The following EHMT1 variants were observed in gnomAD, a reference collection of about 807,000 sequenced individuals.
EHMT1 encodes the protein histone-lysine N-methyltransferase EHMT1.
In EHMT1, 15 loss-of-function variants were observed where a neutral mutation model predicts 147.2. The ratio of observed to expected loss-of-function variants is 0.10; its 90% confidence interval spans 0.07 to 0.16. The LOEUF is 0.16. Among genes scored for constraint, EHMT1 ranks in the 10% least tolerant of loss-of-function variants. The pLI is 1.00. For synonymous variants in EHMT1, 795 were observed against 709.6 expected (o/e 1.12, Z -1.91); for missense variants, 1,587 against 1,772.4 (o/e 0.90, Z 1.88).
At chr9:137,816,356 C>T in intron 23 of EHMT1, 2 of 458,510 alleles carry the variant, frequency 4.4e-6, no homozygotes, top group Admixed American at 3.4e-5. Context: ...ACCTTTGTTA[C>T]CGAGTTCATG....
chr9:137,780,895 T>TGTGTGGTGATGACGCC (rs1951403760), intron 14 of EHMT1, among the ~76,000 whole-genome samples: 2 of 70,628 alleles, frequency 2.8e-5, no homozygotes, highest in African/African-American at 1.1e-4. Flanking sequence ...GTGATGACGC[T>TGTGTGGTGATGACGCC]GGGATGTGTG....
chr9:137,678,853 C>G lies in EHMT1; in HGVS notation c.22-32114C>G, dbSNP rs1207532492. 2.0e-5 allele frequency among the ~76,000 whole-genome samples: 3 copies of G among 152,108 alleles called. No homozygotes were observed. In the East Asian group the frequency reaches 5.8e-4, roughly 29 times the overall value. On this transcript the variant is annotated intron_variant, in intron 1 of 26. Transcript: ENST00000460843. ...GATGGACACAGGGACAGAGAAAGGA[C>G]TCACATCCAGGGCAGGACTGATGGT...
intron 1 of EHMT1, chr9:137,638,213 C>T (rs1844221699): frequency 1.3e-5 from 2 of 151,932 alleles, no homozygotes; most frequent in Admixed American, 6.6e-5. Context: ...TGGGTTCAAG[C>T]AATTCTCCTG....
Position 137,775,278 on chromosome 9 carries a change from G to C in EHMT1, c.1791+26G>C. 6.2e-7 allele frequency: 1 copy of C among 1,605,758 alleles called. No homozygotes were observed. The highest frequency in any genetic ancestry group is 8.5e-7 in the Non-Finnish European group (1 of 1,179,604). On this transcript the variant is annotated intron_variant, in intron 11 of 26. Coordinates refer to ENST00000460843, the MANE Select transcript of EHMT1 (RefSeq NM_024757.5). This position sits in a 1 kb window ranked among gnomAD's most constrained non-coding sequence, Gnocchi z 6.1. ...GTAAGAGCCCAGTCCGGCAGCCTCT[G>C]AGTCCTCCGCAGGCTTTGCTGTCTG...
At chr9:137,777,855 A>G (rs774139610) in intron 12 of EHMT1, 27 bp from the exon 13 acceptor site, 1 of 1,611,010 alleles carries the variant, frequency 6.2e-7, no homozygotes, top group East Asian at 2.2e-5. Context: ...GTTTTCATAA[A>G]CCTTTCCCCG....
chr9:137,621,836 G>A (rs1051561783), intron 1 of EHMT1, among the ~76,000 whole-genome samples: 1 of 151,490 alleles, frequency 6.6e-6, no homozygotes, highest in Non-Finnish European at 1.5e-5. Flanking sequence ...ACTATGTATC[G>A]CTTCTTTATT....
intron 1 of EHMT1, chr9:137,674,854 T>C (rs1171165197): frequency 6.6e-6 from 1 of 152,154 alleles, no homozygotes; most frequent in Non-Finnish European, 1.5e-5. Context: ...AGGGTGATGG[T>C]CTGGGCCCTA....
At chr9:137,710,221 C>T (rs1458760850) in intron 1 of EHMT1, among the ~76,000 whole-genome samples, 1 of 152,114 alleles carries the variant, frequency 6.6e-6, no homozygotes, top group Non-Finnish European at 1.5e-5. Flanking sequence ...CCTCTAATCC[C>T]AGCACTTTGG....
intron 7 of EHMT1, among the ~76,000 whole-genome samples, chr9:137,753,246 C>T (rs981637080): frequency 2.0e-5 from 3 of 151,832 alleles, no homozygotes; most frequent in African/African-American, 7.3e-5. Context: ...ATTACACCAG[C>T]GAGTGGGAGG....
chr9:137,629,210 A>G (rs972968755), intron 1 of EHMT1, among the ~76,000 whole-genome samples: 14 of 151,026 alleles, frequency 9.3e-5, no homozygotes, highest in African/African-American at 3.2e-4. Context: ...CTCCAGCCTC[A>G]GCCTCCCGAG....
chr9:137,723,522 C>T (rs1242477604), intron 3 of EHMT1, among the ~76,000 whole-genome samples: 5 of 144,746 alleles, frequency 3.5e-5, no homozygotes, highest in Non-Finnish European at 1.5e-5. Context: ...CGGGGTGTGT[C>T]CGTGTCTGTG....
intron 25 of EHMT1, among the ~76,000 whole-genome samples, chr9:137,827,804 A>G (rs11137253): frequency 0.15 from 21,955 of 150,976 alleles, 5,274 homozygotes; most frequent in African/African-American, 0.5. Flanking sequence ...TCTCCCATCA[A>G]CTTGGCGCCC....
Position 137,776,900 on chromosome 9 carries a change from G to A in EHMT1, c.2018+56G>A. On this transcript the variant is annotated intron_variant, in intron 12 of 26. Transcript: ENST00000460843. This position sits in a 1 kb window ranked among gnomAD's most constrained non-coding sequence, Gnocchi z 4.4. ...CAGTCGTCCACCTGAAAAAGTTTCA[G>A]TTGTTAACTCAACGTTATTGCTTCC... is the stretch of plus-strand genomic sequence containing the variant. 6.5e-7 allele frequency: 1 copy of A among 1,543,514 alleles called. No individual in the cohort carries two copies. The highest frequency in any genetic ancestry group is 8.9e-7 in the Non-Finnish European group (1 of 1,124,616).
intron 3 of EHMT1, among the ~76,000 whole-genome samples, chr9:137,720,268 C>G (rs745510333): frequency 4.6e-5 from 7 of 152,162 alleles, no homozygotes; most frequent in Admixed American, 1.3e-4. Flanking sequence ...GAACCTGTGC[C>G]AGCCTCTCAT....
chr9:137,723,177 C>T (rs1236959267), intron 3 of EHMT1, among the ~76,000 whole-genome samples: 1 of 112,512 alleles, frequency 8.9e-6, no homozygotes. Context: ...GGCCTGAGTC[C>T]GGGGTGTGCC....
intron 1 of EHMT1, chr9:137,666,169 C>T (rs1020326841): frequency 3.3e-5 from 5 of 152,272 alleles, no homozygotes; most frequent in African/African-American, 1.2e-4. Flanking sequence ...CCTTGTCCTC[C>T]ATGCCGCTTG....
At position 137,754,929 on chromosome 9, in the gene EHMT1, T is replaced by G. The variant is rs1220272276; in HGVS notation, c.1369+638T>G. ...CACGTTGTGTGCAGGAAGCGGCCCC[T>G]CAGTGAGGCACCTGTGCCTCGGTCA... On this transcript the variant is annotated intron_variant, in intron 8 of 26. Transcript: ENST00000460843. Among the ~76,000 whole-genome samples the G allele has an allele frequency of 3.3e-5, 5 of 152,138 alleles. No homozygotes were observed. The East Asian group carries it at 9.6e-4, about 29-fold the overall frequency.
chr9:137,722,563 C>T (rs142266173), intron 3 of EHMT1, among the ~76,000 whole-genome samples: 24 of 152,272 alleles, frequency 1.6e-4, no homozygotes, highest in East Asian at 1.4e-3. Context: ...GTGGGCCCCA[C>T]GGAGGTGGTG....
At chr9:137,771,358 C>G (rs1371039179) in intron 10 of EHMT1, among the ~76,000 whole-genome samples, 1 of 152,022 alleles carries the variant, frequency 6.6e-6, no homozygotes, top group Non-Finnish European at 1.5e-5. Flanking sequence ...CGCCACCATG[C>G]CTGGCTAATG....
Sources: allele counts gnomAD v4.1 joint callset (sites outside exome capture counted in the v4.1 genomes callset), GRCh38; gene constraint gnomAD v4.1.1; non-coding constraint Gnocchi (gnomAD v3.1); transcripts MANE v1.5; gene names NCBI Gene and HGNC (gene_info 2026-07-23, HGNC 2026-07-21).